Variants in TAFA3 observed in about 807,000 individuals in gnomAD.
TAFA3 encodes the protein TAFA chemokine like family member 3, also known as chemokine-like protein TAFA-3.
Under a neutral mutation model 20.7 loss-of-function variants are expected in TAFA3, and 17 were observed. The ratio of observed to expected loss-of-function variants is 0.82; its 90% CI spans 0.56 to 1.23. The LOEUF (loss-of-function observed/expected upper bound fraction) is 1.23, where lower values mean the gene tolerates loss of function less well. TAFA3 is among the 50% of genes most tolerant of loss of function. TAFA3 has a pLI of 0.00. For missense variants in TAFA3, 174 were observed against 172.8 expected (o/e 1.01, Z -0.04); for synonymous variants, 74 against 71.8 (o/e 1.03, Z -0.16).
At position 112,726,764 on chromosome 1, in the gene TAFA3, G is replaced by T; in HGVS notation, c.*124G>T. On this transcript the variant is annotated 3_prime_UTR_variant, in exon 6 of 6. Coordinates refer to ENST00000361886, the MANE Select transcript of TAFA3 (RefSeq NM_182759.3). The stretch of plus-strand genomic sequence containing the variant: ...ATGCCTCATGTCAAATGCAGCATCA[G>T]TCTTTCCGGGGCATTTCAGTTAAGC... 2.7e-6 allele frequency: 4 copies of T among 1,465,096 alleles called. No homozygotes were observed. The highest frequency in any genetic ancestry group is 3.8e-6 in the Non-Finnish European group (4 of 1,049,130). 90.8% of individuals were successfully genotyped at this position (1,465,096 alleles called of 1,614,324 possible). A position where few individuals can be genotyped will look rare whatever the true frequency, so the allele number is the denominator to read the frequency against.
intron 5 of TAFA3, 63 bp downstream of exon 5, chr1:112,724,200 G>T (rs1675402701): frequency 7.0e-7 from 1 of 1,427,010 alleles, no homozygotes; most frequent in African/African-American, 1.4e-5. Flanking sequence ...CAGAAAAGGG[G>T]GCACAGGAGC....
chr1:112,723,684 A>C (rs1675387798), intron 4 of TAFA3, among the ~76,000 whole-genome samples: 1 of 151,794 alleles, frequency 6.6e-6, no homozygotes, highest in Non-Finnish European at 1.5e-5. Context: ...GACGACTCAC[A>C]CCCTTGCTCA....
At chr1:112,722,396 T>C in intron 3 of TAFA3, 48 bp downstream of exon 3, 2 of 1,520,048 alleles carry the variant, frequency 1.3e-6, no homozygotes, top group South Asian at 2.3e-5. Context: ...CCAGGACACC[T>C]GGGGAGCTGG....
In TAFA3 at chr1:112,718,934, G is replaced by A. The variant is rs1388303095; in HGVS notation, c.-425G>A. Among the ~76,000 whole-genome samples, 1 of 152,210 alleles carries A rather than the reference G, an allele frequency of 6.6e-6. No individual in the cohort carries two copies. The highest frequency in any genetic ancestry group is 1.5e-5 in the Non-Finnish European group (1 of 68,026). Reference sequence around the variant, plus strand: ...TCCCGAAGGAGGCGGCGGCGCCCACGCGGGGCTGGAGGAGCGGGGGTAGCC... The same window carrying A: ...TCCCGAAGGAGGCGGCGGCGCCCACACGGGGCTGGAGGAGCGGGGGTAGCC... On this transcript the variant is annotated 5_prime_UTR_variant, in exon 1 of 6. Transcript: ENST00000361886.
chr1:112,726,079 G>A (rs999094069), intron 5 of TAFA3, among the ~76,000 whole-genome samples: 1 of 152,178 alleles, frequency 6.6e-6, no homozygotes. Flanking sequence ...AGAAGTTGCG[G>A]TAAGCAGAGA....
At position 112,727,046 on chromosome 1, in the gene TAFA3, C is replaced by T; in HGVS notation, c.*406C>T. On this transcript the variant is annotated 3_prime_UTR_variant, in exon 6 of 6. Coordinates refer to ENST00000361886, the MANE Select transcript of TAFA3 (RefSeq NM_182759.3). ...CTTCAGATACCCTGTGGCCACAGGGCATAGAAACAAGAGGTCACATTCAGC... is the reference window on the plus strand; with the variant it reads ...CTTCAGATACCCTGTGGCCACAGGGTATAGAAACAAGAGGTCACATTCAGC... 1 of 213,666 alleles carries T rather than the reference C, an allele frequency of 4.7e-6. No homozygotes were observed. Among genetic ancestry groups the T allele is most frequent in the Non-Finnish European group, 9.4e-6 (1 of 105,928 alleles). 13.2% of individuals were successfully genotyped at this position (213,666 alleles called of 1,614,324 possible).
chr1:112,726,059 C>T (rs1013326607), intron 5 of TAFA3, among the ~76,000 whole-genome samples: 5 of 152,132 alleles, frequency 3.3e-5, no homozygotes, highest in African/African-American at 7.2e-5. Flanking sequence ...ATTGCTTGAA[C>T]CTAGGAGGCA....
At chr1:112,724,477 C>G (rs192107236) in intron 5 of TAFA3, among the ~76,000 whole-genome samples, 1 of 151,772 alleles carries the variant, frequency 6.6e-6, no homozygotes, top group African/African-American at 2.4e-5. Flanking sequence ...AGTTCATGTC[C>G]TTTGTAGGGA....
intron 1 of TAFA3, among the ~76,000 whole-genome samples, chr1:112,719,904 A>G (rs1398618860): frequency 3.9e-5 from 6 of 152,282 alleles, no homozygotes; most frequent in African/African-American, 1.4e-4. Context: ...CCTAGGAGCT[A>G]GGACTCAGGG....
At chr1:112,722,919 C>T (rs1675363404) in intron 3 of TAFA3, 97 bp from the exon 4 acceptor site, 2 of 1,451,246 alleles carry the variant, frequency 1.4e-6, no homozygotes, top group Non-Finnish European at 9.2e-7. Context: ...CATAGCCCTC[C>T]CTGCAGCAGG....
chr1:112,724,088 A>G lies in TAFA3; in HGVS notation c.341A>G (p.Asp114Gly), dbSNP rs1675399076. Residue 114 changes from aspartate to glycine, a missense_variant, in exon 5 of 6, where the codon GAC becomes GGC. Coordinates refer to ENST00000361886, the MANE Select transcript of TAFA3 (RefSeq NM_182759.3). ...LPGEECKVLPDLSGWSCSSGH... is the reference protein window; with the variant it reads ...LPGEECKVLPGLSGWSCSSGH... ...GGGGAGGAGTGTAAGGTGCTCCCGG[A>G]CCTGTCGGGATGGAGCTGCAGCAGT... is the stretch of plus-strand genomic sequence containing the variant. The G allele has an allele frequency of 1.4e-5, 23 of 1,613,130 alleles. No homozygotes were observed. The East Asian group carries it at 5.1e-4, about 36-fold the overall frequency.
intron 4 of TAFA3, 93 bp from the exon 5 acceptor site, chr1:112,723,920 G>A (rs1016296353): frequency 1.2e-6 from 2 of 1,612,106 alleles, no homozygotes; most frequent in African/African-American, 2.7e-5. Context: ...CCAGGGGTGT[G>A]TGGAAACGTG....
chr1:112,726,264 A>G (rs1675469427), intron 5 of TAFA3, among the ~76,000 whole-genome samples: 2 of 152,232 alleles, frequency 1.3e-5, no homozygotes, highest in Admixed American at 1.3e-4. Context: ...TCTAAAGTAG[A>G]GCATCCTCTC....
At chr1:112,722,769 CTG>C (rs1557787963) in intron 3 of TAFA3, among the ~76,000 whole-genome samples, 2 of 152,218 alleles carry the variant, frequency 1.3e-5, no homozygotes, top group Admixed American at 6.5e-5. Context: ...GTGCGGGACT[CTG>C]TCTTCTGCCC....
Position 112,724,804 on chromosome 1 carries a change from A to G in TAFA3, c.390+667A>G, listed in dbSNP as rs546103513. On this transcript the variant is annotated intron_variant, in intron 5 of 5. Transcript: ENST00000361886. ...TATAATTTAAAAAAAAAAAAACAAC[A>G]TATTAGAGCAGCAAAAAAAAAAAAA... Among the ~76,000 whole-genome samples the G allele has an allele frequency of 6.8e-5, 8 of 117,784 alleles. No homozygotes were observed. The East Asian group carries it at 2.2e-3, about 32-fold the overall frequency. The allele number at this position is 117,784 out of a possible 152,430, so 77.3% of individuals were successfully genotyped here. A position where few individuals can be genotyped will look rare whatever the true frequency, so the allele number is the denominator to read the frequency against.
Position 112,718,935 on chromosome 1 carries a change from C to T in TAFA3, c.-424C>T, listed in dbSNP as rs1675263995. On this transcript the variant is annotated 5_prime_UTR_variant, in exon 1 of 6. Transcript: ENST00000361886. Reference sequence around the variant, plus strand: ...CCCGAAGGAGGCGGCGGCGCCCACGCGGGGCTGGAGGAGCGGGGGTAGCCC... The same window carrying T: ...CCCGAAGGAGGCGGCGGCGCCCACGTGGGGCTGGAGGAGCGGGGGTAGCCC... Among the ~76,000 whole-genome samples the T allele has an allele frequency of 6.6e-6, 1 of 152,202 alleles. No homozygotes were observed. The highest frequency in any genetic ancestry group is 1.5e-5 in the Non-Finnish European group (1 of 68,018).
At position 112,726,760 on chromosome 1, in the gene TAFA3, A is replaced by C. The variant is rs778727516; in HGVS notation, c.*120A>C. ...TTACATGCCTCATGTCAAATGCAGC[A>C]TCAGTCTTTCCGGGGCATTTCAGTT... On this transcript the variant is annotated 3_prime_UTR_variant, in exon 6 of 6. Transcript: ENST00000361886. 100 of 1,503,364 alleles carry C rather than the reference A, an allele frequency of 6.7e-5. No homozygotes were observed. The highest frequency in any genetic ancestry group is 1.5e-4 in the Admixed American group (9 of 59,022). 93.1% of individuals were successfully genotyped at this position (1,503,364 alleles called of 1,614,324 possible). A position where few individuals can be genotyped will look rare whatever the true frequency, so the allele number is the denominator to read the frequency against.
At chr1:112,723,231 C>T in intron 4 of TAFA3, 66 bp downstream of exon 4, 2 of 1,536,094 alleles carry the variant, frequency 1.3e-6, no homozygotes, top group Non-Finnish European at 1.8e-6. Flanking sequence ...GTTCAGGCCT[C>T]GCCATCTGCT....
intron 4 of TAFA3, 161 bp from the exon 5 acceptor site, chr1:112,723,852 A>T: frequency 7.1e-7 from 1 of 1,417,518 alleles, no homozygotes; most frequent in Non-Finnish European, 9.8e-7. Context: ...CAGGCTGAGT[A>T]CTGCCTCTCT....
Sources: allele counts gnomAD v4.1 joint callset (sites outside exome capture counted in the v4.1 genomes callset), GRCh38; gene constraint gnomAD v4.1.1; transcripts MANE v1.5; gene names NCBI Gene and HGNC (gene_info 2026-07-23, HGNC 2026-07-21).